The following SSUH2 variants were observed in gnomAD, a reference collection of about 807,000 sequenced individuals.
SSUH2 encodes the protein protein SSUH2 homolog.
Under a neutral mutation model 55.3 loss-of-function variants are expected in SSUH2, and 47 were observed. The observed-to-expected ratio is 0.85, with a 90% CI of 0.67 to 1.08. The LOEUF is 1.08. Ranked by LOEUF, SSUH2 falls within the 50% of genes least tolerant of loss-of-function variation. SSUH2 has a pLI of 0.00. For synonymous variants in SSUH2, 212 were observed against 191.5 expected, an observed-to-expected ratio of 1.11 and a Z score of -0.89; for missense variants, 535 against 490.7, an observed-to-expected ratio of 1.09 and a Z score of -0.85.
intron 7 of SSUH2, among the ~76,000 whole-genome samples, chr3:8,656,460 G>A (rs1485019888): frequency 1.3e-5 from 2 of 152,120 alleles, no homozygotes; most frequent in African/African-American, 4.8e-5. Context: ...TCCAATTCTT[G>A]GACTCTCAGC....
At chr3:8,648,809 A>C (rs559871631), upstream of SSUH2, among the ~76,000 whole-genome samples, 1 of 152,294 alleles carries the variant, frequency 6.6e-6, no homozygotes, top group Admixed American at 6.5e-5. Flanking sequence ...TCGCAGCTCC[A>C]GGACTCTACC....
intron 4 of SSUH2, 62 bp downstream of exon 4, chr3:8,633,604 T>A: frequency 7.2e-7 from 1 of 1,389,332 alleles, no homozygotes; most frequent in Non-Finnish European, 9.6e-7. Flanking sequence ...GCCTCCACTG[T>A]CCCAAAGCCC....
At chr3:8,669,232 A>C (rs1704284718) in intron 5 of SSUH2, among the ~76,000 whole-genome samples, 1 of 152,274 alleles carries the variant, frequency 6.6e-6, no homozygotes, top group Non-Finnish European at 1.5e-5. Context: ...CCAACCTAAA[A>C]GAGCTCCCAG....
chr3:8,678,940 C>T (rs1232182213), intron 2 of SSUH2, among the ~76,000 whole-genome samples: 11 of 113,160 alleles, frequency 9.7e-5, no homozygotes, highest in Admixed American at 3.5e-4. Flanking sequence ...AGCCACTCTT[C>T]CCCTCCTGGC....
intron 1 of SSUH2, chr3:8,640,002 G>C (rs1225654070): frequency 1.0e-6 from 1 of 985,300 alleles, no homozygotes; most frequent in East Asian, 1.1e-4. Flanking sequence ...AATTATACTT[G>C]AGATGGTGCC....
intron 1 of SSUH2, among the ~76,000 whole-genome samples, chr3:8,681,217 C>G (rs369366673): frequency 7.7e-5 from 11 of 143,578 alleles, no homozygotes; most frequent in Non-Finnish European, 1.2e-4. Context: ...CTCTTCCCCC[C>G]CTGGCTCTCA....
intron 3 of SSUH2, among the ~76,000 whole-genome samples, chr3:8,673,160 C>G (rs1344790611): frequency 3.3e-5 from 5 of 151,830 alleles, no homozygotes; most frequent in African/African-American, 1.2e-4. Flanking sequence ...TGAATAAGAT[C>G]AATATCACTT....
intron 3 of SSUH2, among the ~76,000 whole-genome samples, chr3:8,675,145 T>C (rs1182584569): frequency 6.6e-6 from 1 of 152,190 alleles, no homozygotes; most frequent in Non-Finnish European, 1.5e-5. Flanking sequence ...ACCTAACCCG[T>C]CCACATTGTT....
Position 8,662,352 on chromosome 3 carries a change from AC to A in SSUH2, c.-396+1391del, listed in dbSNP as rs1703577254. On this transcript the variant is annotated intron_variant, in intron 6 of 18. Coordinates refer to the SSUH2 transcript ENST00000317371. ...TCTCACTCTGCCCTCCTGATACCAA[AC>A]GTCAGTACTGAGTGTCCAGTCAGAG... Among the ~76,000 whole-genome samples the A allele has an allele frequency of 7.9e-5, 12 of 152,256 alleles. No homozygotes were observed. In the South Asian group the frequency reaches 2.3e-3, roughly 29 times the overall value.
At chr3:8,681,315 C>T (rs971113857) in intron 1 of SSUH2, among the ~76,000 whole-genome samples, 1 of 147,160 alleles carries the variant, frequency 6.8e-6, no homozygotes, top group Non-Finnish European at 1.5e-5. Flanking sequence ...GGACCACCAT[C>T]GCGGGGGTGG....
rs756278575 is a variant in SSUH2, at chr3:8,626,287, A to G, written c.709T>C (p.Cys237Arg). Reference sequence around the variant, plus strand: ...TTCTTCTCCCCCTTGCAGGTGGCGCAGGTCTTGTTCCCTCTCCCTGAGCAA... The same window carrying G: ...TTCTTCTCCCCCTTGCAGGTGGCGCGGGTCTTGTTCCCTCTCCCTGAGCAA... ...STCSGRGNKT[C>R]ATCKGEKKLL... The change falls in exon 9 of 12, where the codon TGC becomes CGC. Residue 237 changes from cysteine (C) to arginine (R), a missense_variant. Physicochemically the swap from Cys to Arg is radical, Grantham distance 180 (BLOSUM62 -3). Transcript: ENST00000544814. 24 of 1,613,978 alleles carry G rather than the reference A, an allele frequency of 1.5e-5. No homozygotes were observed. Among genetic ancestry groups the G allele is most frequent in the Non-Finnish European group, 1.9e-5 (23 of 1,180,018 alleles).
In SSUH2 at chr3:8,632,137, A is replaced by T. The variant is rs202152723; in HGVS notation, c.340-28T>A. On this transcript the variant is annotated intron_variant, in intron 4 of 11. Transcript: ENST00000544814. ...AAAAGGAAAAAAACAGCATGTTCAC[A>T]CTCGTGCCCCTTATGAAGACAGAGC... 23 of 1,593,538 alleles carry T rather than the reference A, an allele frequency of 1.4e-5. No individual in the cohort carries two copies. In the African/African-American group the frequency reaches 1.9e-4, roughly 13 times the overall value.
intron 7 of SSUH2, among the ~76,000 whole-genome samples, chr3:8,650,484 T>A (rs919798645): frequency 6.6e-6 from 1 of 152,244 alleles, no homozygotes; most frequent in African/African-American, 2.4e-5. Flanking sequence ...CTTCCCATTG[T>A]CCTGGACTTC....
At chr3:8,651,973 G>A (rs1478782183) in intron 7 of SSUH2, 1 of 152,520 alleles carries the variant, frequency 6.6e-6, no homozygotes, top group African/African-American at 2.4e-5. Context: ...GACTGCCTCA[G>A]GCAGGCTTTC....
intron 7 of SSUH2, 162 bp downstream of exon 7, chr3:8,629,502 A>T: frequency 4.8e-6 from 3 of 625,708 alleles, no homozygotes; most frequent in Admixed American, 2.8e-5. Flanking sequence ...CCACTTTTTC[A>T]TTTTATAGAC....
At chr3:8,658,493 G>A (rs1033500172) in intron 7 of SSUH2, among the ~76,000 whole-genome samples, 9 of 152,314 alleles carry the variant, frequency 5.9e-5, no homozygotes, top group East Asian at 1.9e-4. Context: ...GGCTTGGGCC[G>A]CCAGGCTGGG....
chr3:8,660,936 A>G (rs999106629), intron 6 of SSUH2, among the ~76,000 whole-genome samples: 1 of 152,140 alleles, frequency 6.6e-6, no homozygotes, highest in African/African-American at 2.4e-5. Context: ...GGCACCTCCC[A>G]TTGGCCAACC....
At chr3:8,637,978 C>A (rs1483174661) in intron 1 of SSUH2, among the ~76,000 whole-genome samples, 1 of 152,168 alleles carries the variant, frequency 6.6e-6, no homozygotes, top group Non-Finnish European at 1.5e-5. Context: ...ACAATAGAAG[C>A]TTCGTTCCAA....
intron 5 of SSUH2, among the ~76,000 whole-genome samples, chr3:8,667,610 T>C (rs1704105786): frequency 2.6e-5 from 4 of 152,056 alleles, no homozygotes; most frequent in Admixed American, 2.6e-4. Flanking sequence ...ATCCAAAAGC[T>C]CTCGAACTTT....
Sources: gnomAD v4.1 joint callset for allele counts (sites outside exome capture counted in the v4.1 genomes callset) on GRCh38, gnomAD v4.1.1 for gene constraint, MANE v1.5 for transcripts, NCBI Gene and HGNC (gene_info 2026-07-23, HGNC 2026-07-21) for gene names.